Variants in LHFPL6 observed in about 807,000 individuals in gnomAD.
The protein encoded by LHFPL6 is LHFPL tetraspan subfamily member 6, also known as LHFPL tetraspan subfamily member 6 protein.
In LHFPL6, 9 loss-of-function variants were observed where a neutral mutation model predicts 20.6. That is an observed-to-expected ratio of 0.44 (90% CI 0.26 to 0.76). The LOEUF (loss-of-function observed/expected upper bound fraction) is 0.76, where lower values mean the gene tolerates loss of function less well. LHFPL6 is among the 30% of genes least tolerant of loss of function. LHFPL6 has a pLI of 0.20. For synonymous variants in LHFPL6, 105 were observed against 98.7 expected (o/e 1.06, Z -0.38); for missense variants, 218 against 253.5 (o/e 0.86, Z 0.95).
intron 3 of LHFPL6, among the ~76,000 whole-genome samples, chr13:39,348,038 C>T (rs1869454795): frequency 6.6e-6 from 1 of 152,030 alleles, no homozygotes; most frequent in African/African-American, 2.4e-5. Context: ...ATTTATTAAA[C>T]AAAGATGGAA....
intron 2 of LHFPL6, among the ~76,000 whole-genome samples, chr13:39,388,163 G>C (rs1330065467): frequency 2.6e-5 from 4 of 152,060 alleles, no homozygotes; most frequent in African/African-American, 9.7e-5. Context: ...TCACAATAAG[G>C]CTATTTCTTG....
chr13:39,588,137 C>T (rs1260981347), intron 2 of LHFPL6, among the ~76,000 whole-genome samples: 3 of 151,996 alleles, frequency 2.0e-5, no homozygotes, highest in South Asian at 2.1e-4. Flanking sequence ...ACGTGGCTGC[C>T]GAGTGAGCCT....
chr13:39,492,627 T>G (rs1868965777), intron 2 of LHFPL6, among the ~76,000 whole-genome samples: 1 of 152,168 alleles, frequency 6.6e-6, no homozygotes, highest in African/African-American at 2.4e-5. Context: ...AGGTAAATTT[T>G]TATATTATAA....
chr13:39,477,353 C>A (rs1436892304), intron 2 of LHFPL6, among the ~76,000 whole-genome samples: 2 of 152,154 alleles, frequency 1.3e-5, no homozygotes, highest in African/African-American at 4.8e-5. Context: ...GTGTAAGTTT[C>A]TTGGGAGCAG....
At chr13:39,464,833 A>C (rs1872764663) in intron 2 of LHFPL6, among the ~76,000 whole-genome samples, 1 of 152,104 alleles carries the variant, frequency 6.6e-6, no homozygotes, top group African/African-American at 2.4e-5. Flanking sequence ...AATCAATAAC[A>C]TACAATGGGG....
intron 2 of LHFPL6, among the ~76,000 whole-genome samples, chr13:39,520,630 T>A (rs1870078722): frequency 6.6e-6 from 1 of 152,166 alleles, no homozygotes; most frequent in African/African-American, 2.4e-5. Context: ...AAGGTGGGAT[T>A]TGAGTCTTTG....
At chr13:39,466,501 G>A (rs948032895) in intron 2 of LHFPL6, among the ~76,000 whole-genome samples, 1 of 152,178 alleles carries the variant, frequency 6.6e-6, no homozygotes. Flanking sequence ...TAAGAGTATG[G>A]CTACTACACA....
intron 2 of LHFPL6, among the ~76,000 whole-genome samples, chr13:39,586,710 C>A (rs1185279247): frequency 1.3e-5 from 2 of 152,176 alleles, no homozygotes; most frequent in East Asian, 3.9e-4. Context: ...GAGATTCTCA[C>A]CATCGCTGGC....
intron 2 of LHFPL6, among the ~76,000 whole-genome samples, chr13:39,489,368 G>A (rs1186875981): frequency 6.6e-6 from 1 of 152,100 alleles, no homozygotes; most frequent in Non-Finnish European, 1.5e-5. Context: ...TCCTGATCAG[G>A]AGTGCTTCCT....
intron 2 of LHFPL6, among the ~76,000 whole-genome samples, chr13:39,552,759 G>A (rs527365713): frequency 6.6e-6 from 1 of 152,360 alleles, no homozygotes; most frequent in East Asian, 1.9e-4. Flanking sequence ...TGAAGCTTCT[G>A]AAGTGAAGGT....
Position 39,601,144 on chromosome 13 carries a change from C to G in LHFPL6, c.73G>C (p.Val25Leu), listed in dbSNP as rs992334644. Residue 25 changes from valine (V) to leucine (L), a missense_variant, in exon 2 of 4, where the codon GTG becomes CTG. By Grantham distance (32) the Val-to-Leu change is conservative. Transcript: ENST00000379589. ...AGCCAGTAAGGCATAAAGAACCCCA[C>G]GCAGGAGGTGGCAGCACAAAGAAAA... ...LSFLCAATSC[V>L]GFFMPYWLWG... 2.5e-6 allele frequency: 4 copies of G among 1,613,986 alleles called. No individual in the cohort carries two copies. Among genetic ancestry groups the G allele is most frequent in the Non-Finnish European group, 3.4e-6 (4 of 1,180,034 alleles).
intron 3 of LHFPL6, among the ~76,000 whole-genome samples, chr13:39,373,963 T>C (rs1023190711): frequency 6.6e-6 from 1 of 152,178 alleles, no homozygotes; most frequent in Admixed American, 6.6e-5. Context: ...GAAAGCAGTT[T>C]GGAGATTTCT....
At chr13:39,415,410 C>T (rs1478804156) in intron 2 of LHFPL6, among the ~76,000 whole-genome samples, 2 of 151,890 alleles carry the variant, frequency 1.3e-5, no homozygotes, top group Non-Finnish European at 2.9e-5. Flanking sequence ...CATGTGTATG[C>T]ATACGCACAT....
chr13:39,548,296 T>C (rs1871040548), intron 2 of LHFPL6, among the ~76,000 whole-genome samples: 1 of 152,066 alleles, frequency 6.6e-6, no homozygotes, highest in South Asian at 2.1e-4. Context: ...AGAGACTGTG[T>C]CCCCTTATGG....
intron 2 of LHFPL6, among the ~76,000 whole-genome samples, chr13:39,573,783 G>A (rs1872011682): frequency 6.6e-6 from 1 of 151,668 alleles, no homozygotes; most frequent in Non-Finnish European, 1.5e-5. Flanking sequence ...TTTATGAGTA[G>A]GCTAATAGTT....
At chr13:39,535,715 T>C (rs1870597343) in intron 2 of LHFPL6, among the ~76,000 whole-genome samples, 1 of 152,230 alleles carries the variant, frequency 6.6e-6, no homozygotes, top group Admixed American at 6.5e-5. Flanking sequence ...TATTACATTT[T>C]ATAGCTAAAT....
chr13:39,516,379 C>T (rs9532385), intron 2 of LHFPL6, among the ~76,000 whole-genome samples: 31,226 of 152,222 alleles, frequency 0.21, 3,874 homozygotes, highest in South Asian at 0.38. Context: ...AGTGGTGAGC[C>T]GAGCAGCCCC....
intron 2 of LHFPL6, among the ~76,000 whole-genome samples, chr13:39,438,237 T>C (rs908029339): frequency 6.6e-5 from 10 of 152,166 alleles, no homozygotes; most frequent in African/African-American, 2.4e-4. Context: ...GCTCTAAGGA[T>C]CTGTGGAATT....
At chr13:39,518,142 C>T (rs1241638276) in intron 2 of LHFPL6, among the ~76,000 whole-genome samples, 3 of 151,142 alleles carry the variant, frequency 2.0e-5, no homozygotes, top group South Asian at 2.1e-4. Flanking sequence ...TAAACACTTT[C>T]GAATAGCGAC....
Sources: gnomAD v4.1 joint callset for allele counts (sites outside exome capture counted in the v4.1 genomes callset) on GRCh38, gnomAD v4.1.1 for gene constraint, MANE v1.5 for transcripts, NCBI Gene and HGNC (gene_info 2026-07-23, HGNC 2026-07-21) for gene names.